The following EIF4G1 variants were observed in gnomAD, a reference collection of about 807,000 sequenced individuals.
EIF4G1 encodes EIF4-gamma.
EIF4G1 carries 4 observed loss-of-function variants against 187.8 expected under a neutral mutation model. That is an observed-to-expected ratio of 0.02 (90% CI 0.01 to 0.05). The LOEUF (loss-of-function observed/expected upper bound fraction) is 0.05. EIF4G1 is among the 10% of genes least tolerant of loss of function. The pLI is 1.00. For synonymous variants in EIF4G1, 844 were observed against 781.4 expected (o/e 1.08, Z -1.34); for missense variants, 1,647 against 2,081.1 (o/e 0.79, Z 4.06).
intron 6 of EIF4G1, among the ~76,000 whole-genome samples, chr3:184,319,418 C>T (rs1403416907): frequency 1.4e-5 from 2 of 145,494 alleles, no homozygotes; most frequent in Non-Finnish European, 3.0e-5. Flanking sequence ...GAGTGCCTGC[C>T]TACGAGGGGT....
rs1333358517 is a variant in EIF4G1, at chr3:184,320,691, C to T, written c.599C>T (p.Ala200Val). ...ATCACAGAGGAGATCATGTCTGGGGCCCGCACTGCCTCCACACCCACCCCT... is the reference window on the plus strand; with the variant it reads ...ATCACAGAGGAGATCATGTCTGGGGTCCGCACTGCCTCCACACCCACCCCT... ...KDITEEIMSG[A>V]RTASTPTPPQ... Residue 200 changes from alanine (A) to valine (V), a missense_variant, in exon 8 of 33, where the codon GCC (alanine) becomes GTC (valine). Physicochemically the swap from Ala to Val is moderately conservative, Grantham distance 64. Coordinates refer to ENST00000346169, the MANE Select transcript of EIF4G1 (RefSeq NM_198241.3). 1.2e-6 allele frequency: 2 copies of T among 1,614,158 alleles called. No homozygotes were observed. The highest frequency in any genetic ancestry group is 4.5e-5 in the East Asian group (2 of 44,876).
rs760654524 is a variant in EIF4G1 at position 184,325,941 on chromosome 3, A to G, written c.3212A>G (p.Lys1071Arg). Residue 1071 changes from lysine (K) to arginine (R), a missense_variant, in exon 21 of 33, where the codon AAG becomes AGG. This residue lies in a region of EIF4G1 where 142 missense variants were observed against 296.6 expected (regional missense o/e 0.48). Coordinates refer to ENST00000346169, the MANE Select transcript of EIF4G1 (RefSeq NM_198241.3). The surrounding 1 kb of genome is among the most constrained non-coding windows in gnomAD (Gnocchi z 5.2). The stretch of plus-strand genomic sequence containing the variant: ...CCCATTGACACCTCACGACTCACCA[A>G]GATCACCAAGGTAGGGGTGTGTGTG... ...SRPIDTSRLT[K>R]ITKPGSIDSN... 7.4e-6 allele frequency: 12 copies of G among 1,614,150 alleles called. No individual in the cohort carries two copies. The highest frequency in any genetic ancestry group is 1.1e-5 in the South Asian group (1 of 91,072).
intron 28 of EIF4G1, chr3:184,329,228 CATTT>C: frequency 9.0e-6 from 5 of 556,968 alleles, no homozygotes; most frequent in Non-Finnish European, 1.6e-5. Context: ...GTGATTGATG[CATTT>C]ATTTATTCAT....
At chr3:184,327,042 T>C in intron 23 of EIF4G1, 59 bp downstream of exon 23, 1 of 1,609,764 alleles carries the variant, frequency 6.2e-7, no homozygotes, top group South Asian at 1.1e-5. Context: ...TGGGTTCTGG[T>C]TGTTGCCATA....
chr3:184,318,494 G>A (rs1295198757), intron 6 of EIF4G1, among the ~76,000 whole-genome samples: 1 of 152,174 alleles, frequency 6.6e-6, no homozygotes, highest in African/African-American at 2.4e-5. Context: ...GCTCACGCCT[G>A]TAGTCCCAGC....
chr3:184,322,330 A>T (rs1269838850), intron 10 of EIF4G1, 32 bp from the exon 11 acceptor site: 1 of 1,599,634 alleles, frequency 6.3e-7, no homozygotes, highest in South Asian at 1.1e-5. Context: ...ATTGGCAAAG[A>T]TCCATGCTTT....
rs1286640502 is a variant in EIF4G1, at chr3:184,327,300, G to C, written c.3513G>C (p.Gly1171=). ...LERSERGGDR[G]DRLDRARTPA... ...GGAGTGAACGGGGAGGGGACCGTGG[G>C]GACCGGCTTGATCGTGCGCGGACAC... The change falls in exon 24 of 33, where the codon GGG becomes GGC. Residue 1171 remains glycine (G), a synonymous_variant. Transcript: ENST00000346169. 6.2e-7 allele frequency: 1 copy of C among 1,613,904 alleles called. No individual in the cohort carries two copies. The highest frequency in any genetic ancestry group is 1.1e-5 in the South Asian group (1 of 91,072).
chr3:184,329,723 G>A (rs965392150), intron 28 of EIF4G1, among the ~76,000 whole-genome samples: 2 of 152,236 alleles, frequency 1.3e-5, no homozygotes, highest in Admixed American at 6.5e-5. Flanking sequence ...GTACTGTGGG[G>A]TTGCAAAGGA....
rs765166565 is a variant in EIF4G1 at position 184,327,877 on chromosome 3, C to T, written c.3828C>T (p.Phe1276=). 6.2e-7 allele frequency: 1 copy of T among 1,613,938 alleles called. No individual in the cohort carries two copies. Among genetic ancestry groups the T allele is most frequent in the Non-Finnish European group, 8.5e-7 (1 of 1,180,048 alleles). The change falls in exon 26 of 33, where the codon TTC becomes TTT. Residue 1276 remains phenylalanine (F), a synonymous_variant. Transcript: ENST00000346169. The stretch of plus-strand genomic sequence containing the variant: ...AGCTGGCCTCACCCTCCTTGCTCTT[C>T]ATCTTTGTACGGCATGGTGTCGAGT... ...VQELASPSLL[F]IFVRHGVEST...
chr3:184,319,335 A>G (rs1723368259), intron 6 of EIF4G1: 2 of 340,782 alleles, frequency 5.9e-6, no homozygotes, highest in South Asian at 2.8e-5. Flanking sequence ...CGGGTGGGGT[A>G]CACACACGAG....
intron 22 of EIF4G1, 44 bp downstream of exon 22, chr3:184,326,673 T>TC: frequency 6.3e-7 from 1 of 1,599,666 alleles, no homozygotes; most frequent in Non-Finnish European, 8.5e-7. Flanking sequence ...CCGTCAGAGC[T>TC]CCCTTGAGGA....
At position 184,325,395 on chromosome 3, in the gene EIF4G1, A is replaced by C. The variant is rs770525355; in HGVS notation, c.2961+22A>C. The C allele has an allele frequency of 3.1e-6, 5 of 1,614,094 alleles. No homozygotes were observed. The Admixed American group carries it at 8.3e-5, about 27-fold the overall frequency. ...AGGGGTGTGTGTCCCCCTCCTCCCC[A>C]CTGCCAGCCTGCTGCCTCCAGTTTC... On this transcript the variant is annotated intron_variant, in intron 19 of 32. Transcript: ENST00000346169. This position sits in a 1 kb window ranked among gnomAD's most constrained non-coding sequence, Gnocchi z 5.2.
At chr3:184,329,894 A>C (rs945128401) in intron 28 of EIF4G1, among the ~76,000 whole-genome samples, 1 of 152,192 alleles carries the variant, frequency 6.6e-6, no homozygotes, top group Non-Finnish European at 1.5e-5. Flanking sequence ...GTGCAGTTTC[A>C]AGGGTTCAGC....
chr3:184,319,931 CTG>C, intron 7 of EIF4G1, 130 bp downstream of exon 7: 1 of 729,312 alleles, frequency 1.4e-6, no homozygotes, highest in Admixed American at 2.1e-5. Context: ...AGAATGGTGT[CTG>C]TGGAGGGCTC....
intron 17 of EIF4G1, 25 bp from the exon 18 acceptor site, chr3:184,324,853 A>C: frequency 6.2e-7 from 1 of 1,610,794 alleles, no homozygotes; most frequent in Non-Finnish European, 8.5e-7. Flanking sequence ...TCTTTTTGAC[A>C]CAATCCCTGT....
chr3:184,325,443 C>T lies in EIF4G1; in HGVS notation c.2962-37C>T, dbSNP rs1219622043. 2 of 1,614,198 alleles carry T rather than the reference C, an allele frequency of 1.2e-6. No homozygotes were observed. The highest frequency in any genetic ancestry group is 1.7e-6 in the Non-Finnish European group (2 of 1,180,036). On this transcript the variant is annotated intron_variant, in intron 19 of 32. Transcript: ENST00000346169. The surrounding 1 kb of genome is among the most constrained non-coding windows in gnomAD (Gnocchi z 5.2). ...TTCTGACACTGCCTTGTCTTGCCTTCCCTGACATCATCGTGACTGGCCCTC... is the reference window on the plus strand; with the variant it reads ...TTCTGACACTGCCTTGTCTTGCCTTTCCTGACATCATCGTGACTGGCCCTC...
rs748346379 is a variant in EIF4G1 at position 184,326,619 on chromosome 3, C to T, written c.3315C>T (p.Pro1105=). The change falls in exon 22 of 33, where the codon CCC becomes CCT. Residue 1105 remains proline (P), a synonymous_variant. Transcript: ENST00000346169. ...GCAGCGGAGGCTCAGGAGCCAAGCC[C>T]TCAGACGCAGGTATGGAGGCAGTGT... ...KGSSGGSGAK[P]SDAASEAARP... is the part of the protein sequence containing the mutation. 1.9e-6 allele frequency: 3 copies of T among 1,610,064 alleles called. No individual in the cohort carries two copies. The highest frequency in any genetic ancestry group is 2.5e-6 in the Non-Finnish European group (3 of 1,180,012).
intron 22 of EIF4G1, 86 bp from the exon 23 acceptor site, chr3:184,326,795 G>A (rs1725012365): frequency 7.1e-6 from 11 of 1,555,230 alleles, no homozygotes; most frequent in Non-Finnish European, 9.8e-6. Context: ...TTTTGGGACT[G>A]GGACCAAGTG....
At position 184,322,036 on chromosome 3, in the gene EIF4G1, C is replaced by T. The variant is rs1723978752; in HGVS notation, c.1452C>T (p.Leu484=). ...AESEKGGEEL[L]PPESTPIPAN... The stretch of plus-strand genomic sequence containing the variant: ...GTGAGAAAGGAGGAGAGGAACTGCT[C>T]CCCCCAGAGAGTACCCCTATTCCAG... The change falls in exon 10 of 33, where the codon CTC becomes CTT. Residue 484 remains leucine, a synonymous_variant. Transcript: ENST00000346169. 3 of 1,614,148 alleles carry T rather than the reference C, an allele frequency of 1.9e-6. No individual in the cohort carries two copies. The highest frequency in any genetic ancestry group is 2.5e-6 in the Non-Finnish European group (3 of 1,180,018).
Sources: gnomAD v4.1 joint callset for allele counts (sites outside exome capture counted in the v4.1 genomes callset) on GRCh38, gnomAD v4.1.1 for gene constraint, gnomAD v4.1.1 regional missense constraint, Gnocchi (gnomAD v3.1) non-coding constraint, MANE v1.5 for transcripts, NCBI Gene and HGNC (gene_info 2026-07-23, HGNC 2026-07-21) for gene names.